The following OTUD7A variants were observed in gnomAD, a reference collection of about 807,000 sequenced individuals.
The protein encoded by OTUD7A is OTU deubiquitinase 7A, also known as OTU domain-containing protein 7A.
A neutral mutation model predicts 65.7 loss-of-function variants in OTUD7A; 12 were observed. That is an observed-to-expected ratio of 0.18 (90% CI 0.12 to 0.30). The LOEUF (loss-of-function observed/expected upper bound fraction) is 0.30. Ranked by LOEUF, OTUD7A falls within the 10% of genes least tolerant of loss-of-function variation. OTUD7A has a pLI of 1.00. For synonymous variants in OTUD7A, 641 were observed against 586.3 expected (o/e 1.09, Z -1.35); for missense variants, 1,148 against 1,304.8 (o/e 0.88, Z 1.85).
chr15:31,792,382 C>T (rs1484431197), intron 1 of OTUD7A, among the ~76,000 whole-genome samples: 2 of 152,154 alleles, frequency 1.3e-5, no homozygotes, highest in Non-Finnish European at 2.9e-5. Flanking sequence ...AAAACCCATA[C>T]TCCATGGCCA....
At chr15:31,553,558 G>C (rs1230507045) in intron 5 of OTUD7A, among the ~76,000 whole-genome samples, 1 of 152,072 alleles carries the variant, frequency 6.6e-6, no homozygotes, top group Non-Finnish European at 1.5e-5. Flanking sequence ...GGCTTTGCCT[G>C]ACAGTGCTGG....
At chr15:31,742,109 G>A (rs1045870509) in intron 1 of OTUD7A, among the ~76,000 whole-genome samples, 2 of 152,108 alleles carry the variant, frequency 1.3e-5, no homozygotes, top group East Asian at 3.9e-4. Flanking sequence ...ATCTCTAGGT[G>A]CAGATGGTTT....
At chr15:31,767,392 A>G (rs1567012145) in intron 1 of OTUD7A, 1 of 775,498 alleles carries the variant, frequency 1.3e-6, no homozygotes, top group Non-Finnish European at 2.4e-6. Context: ...ATTGTTCTGA[A>G]TACATGTCAT....
At chr15:31,612,152 G>A (rs931374154) in intron 3 of OTUD7A, among the ~76,000 whole-genome samples, 1 of 152,094 alleles carries the variant, frequency 6.6e-6, no homozygotes, top group African/African-American at 2.4e-5. Flanking sequence ...ATACCTCAAT[G>A]TAATAAAAGC....
At chr15:31,679,862 A>AAAATCAT (rs1892673901) in intron 1 of OTUD7A, among the ~76,000 whole-genome samples, 1 of 152,244 alleles carries the variant, frequency 6.6e-6, no homozygotes, top group Admixed American at 6.5e-5. Context: ...ATATGAGAAA[A>AAAATCAT]AAATCATAGA....
At chr15:31,753,988 T>C (rs921899646) in intron 1 of OTUD7A, among the ~76,000 whole-genome samples, 2 of 151,944 alleles carry the variant, frequency 1.3e-5, no homozygotes, top group Admixed American at 6.6e-5. Flanking sequence ...ACCAGCAGTG[T>C]AGAAGTGTTC....
At position 31,627,848 on chromosome 15, in the gene OTUD7A, T is replaced by A. The variant is rs186517652; in HGVS notation, c.151+27248A>T. Among the ~76,000 whole-genome samples, 730 of 152,388 alleles carry A rather than the reference T, an allele frequency of 4.8e-3. 6 individuals carry two copies. Among genetic ancestry groups the A allele is most frequent in the Non-Finnish European group, 6.7e-3 (458 of 68,034 alleles). ...GCATTTCTCTGATGGTCAGTGATGA[T>A]GAGCATTTTTTCATGTGTTTTTTGG... is the stretch of plus-strand genomic sequence containing the variant. On this transcript the variant is annotated intron_variant, in intron 3 of 12. Transcript: ENST00000307050.
chr15:31,672,743 T>C (rs1397531960), intron 1 of OTUD7A, among the ~76,000 whole-genome samples: 1 of 152,254 alleles, frequency 6.6e-6, no homozygotes, highest in African/African-American at 2.4e-5. Flanking sequence ...ATTATGTGCA[T>C]AGATGCATGA....
At chr15:31,492,109 A>C (rs1464268777) in intron 10 of OTUD7A, among the ~76,000 whole-genome samples, 1 of 152,222 alleles carries the variant, frequency 6.6e-6, no homozygotes, top group Non-Finnish European at 1.5e-5. Flanking sequence ...TCTTCTTTTT[A>C]ATTGCTCTAA....
At position 31,483,566 on chromosome 15, in the gene OTUD7A, C is replaced by G; in HGVS notation, c.2530G>C (p.Ala844Pro). 3 of 1,301,926 alleles carry G rather than the reference C, an allele frequency of 2.3e-6. No individual in the cohort carries two copies. The highest frequency in any genetic ancestry group is 2.9e-6 in the Non-Finnish European group (3 of 1,023,562). 80.6% of individuals were successfully genotyped at this position (1,301,926 alleles called of 1,614,324 possible). A position where few individuals can be genotyped will look rare whatever the true frequency, so the allele number is the denominator to read the frequency against. ...ARAVPGALPGAAGTAGAAEHK... is the reference protein window; with the variant it reads ...ARAVPGALPGPAGTAGAAEHK... ...TCGGCCGCCCCCGCCGTCCCCGCCG[C>G]GCCCGGTAGGGCCCCGGGCACCGCG... Residue 844 changes from alanine (A) to proline (P), a missense_variant, in exon 13 of 13, where the codon GCG becomes CCG. Transcript: ENST00000307050.
At chr15:31,530,061 G>T (rs1375755233) in intron 6 of OTUD7A, among the ~76,000 whole-genome samples, 1 of 152,182 alleles carries the variant, frequency 6.6e-6, no homozygotes, top group East Asian at 1.9e-4. Flanking sequence ...GTGTGGCTTT[G>T]TGTGATCGGG....
intron 12 of OTUD7A, among the ~76,000 whole-genome samples, chr15:31,485,804 TCC>T (rs11376540): frequency 1.3e-5 from 2 of 151,878 alleles, no homozygotes; most frequent in East Asian, 3.9e-4. Flanking sequence ...TTAATTTTTG[TCC>T]CCCCCTCAAA....
intron 3 of OTUD7A, among the ~76,000 whole-genome samples, chr15:31,634,232 C>G (rs1159981065): frequency 6.6e-6 from 1 of 152,186 alleles, no homozygotes; most frequent in Admixed American, 6.5e-5. Context: ...CAGGGCTGGA[C>G]TTCACAGCCA....
At chr15:31,558,166 C>G (rs1888559461) in intron 5 of OTUD7A, 2 of 152,218 alleles carry the variant, frequency 1.3e-5, no homozygotes, top group Admixed American at 6.5e-5. Flanking sequence ...CTTCCACATG[C>G]GTGCCTGAGA....
At chr15:31,715,264 G>C (rs1349239255) in intron 1 of OTUD7A, among the ~76,000 whole-genome samples, 1 of 148,880 alleles carries the variant, frequency 6.7e-6, no homozygotes, top group East Asian at 2.0e-4. Flanking sequence ...GCCTCACTTC[G>C]CTGTTCCACC....
intron 1 of OTUD7A, among the ~76,000 whole-genome samples, chr15:31,660,208 G>A (rs1892122482): frequency 6.6e-6 from 1 of 152,254 alleles, no homozygotes; most frequent in Non-Finnish European, 1.5e-5. Context: ...ATCTTGTCCG[G>A]CCTGGCGAGG....
chr15:31,525,963 T>C (rs2042005598), intron 8 of OTUD7A, among the ~76,000 whole-genome samples: 1 of 152,218 alleles, frequency 6.6e-6, no homozygotes, highest in African/African-American at 2.4e-5. Context: ...CAGAGCCAGG[T>C]TCGTGCGATG....
rs185071911 is a variant in OTUD7A at position 31,646,969 on chromosome 15, A to G, written c.151+8127T>C. Among the ~76,000 whole-genome samples, 793 of 152,320 alleles carry G rather than the reference A, an allele frequency of 5.2e-3. 7 individuals are homozygous for G. The highest frequency in any genetic ancestry group is 0.018 in the African/African-American group (764 of 41,562). On this transcript the variant is annotated intron_variant, in intron 3 of 12. Coordinates refer to ENST00000307050, the MANE Select transcript of OTUD7A (RefSeq NM_001382637.1). ...TTAAATACACTCATCTCTCTAAAGGAAGAATGTGTCTTCCTGAATGAGGCC... is the reference window on the plus strand; with the variant it reads ...TTAAATACACTCATCTCTCTAAAGGGAGAATGTGTCTTCCTGAATGAGGCC...
At chr15:31,753,721 T>TTA (rs149582805) in intron 1 of OTUD7A, among the ~76,000 whole-genome samples, 22,360 of 106,432 alleles carry the variant, frequency 0.21, 2,711 homozygotes, top group Admixed American at 0.27. Flanking sequence ...TATATATATA[T>TTA]TATATATATA....
Sources: gnomAD v4.1 joint callset for allele counts (sites outside exome capture counted in the v4.1 genomes callset) on GRCh38, gnomAD v4.1.1 for gene constraint, MANE v1.5 for transcripts, NCBI Gene and HGNC (gene_info 2026-07-23, HGNC 2026-07-21) for gene names.